Variants in SLC25A12 observed in about 807,000 individuals in gnomAD.
The protein encoded by SLC25A12 is electrogenic aspartate/glutamate antiporter SLC25A12, mitochondrial.
SLC25A12 carries 32 observed loss-of-function variants against 83.3 expected under a neutral mutation model. The observed-to-expected ratio is 0.38, with a 90% CI of 0.29 to 0.52. The LOEUF is 0.52. SLC25A12 is among the 20% of genes least tolerant of loss of function. The probability of loss-of-function intolerance (pLI) is 0.84; values close to 1 mark genes in which losing one functional copy is unlikely to be tolerated. For synonymous variants in SLC25A12, 267 were observed against 291.1 expected (o/e 0.92, Z 0.84); for missense variants, 611 against 835.6 (o/e 0.73, Z 3.31).
chr2:171,785,990 G>C (rs1037242788), intron 17 of SLC25A12, among the ~76,000 whole-genome samples: 1 of 151,950 alleles, frequency 6.6e-6, no homozygotes, highest in African/African-American at 2.4e-5. Flanking sequence ...ACATATGAAA[G>C]TAATTTTTAA....
At chr2:171,811,513 A>G (rs999787513) in intron 11 of SLC25A12, among the ~76,000 whole-genome samples, 4 of 152,188 alleles carry the variant, frequency 2.6e-5, no homozygotes, top group African/African-American at 7.2e-5. Context: ...TCATTTTATC[A>G]TTGTTGCCTG....
At position 171,813,357 on chromosome 2, in the gene SLC25A12, A is replaced by G; in HGVS notation, c.1153T>C (p.Phe385Leu). 6.2e-7 allele frequency: 1 copy of G among 1,614,082 alleles called. No homozygotes were observed. Among genetic ancestry groups the G allele is most frequent in the East Asian group, 2.2e-5 (1 of 44,886 alleles). Reference sequence around the variant, plus strand: ...TACTCACCCCTGTAGAGTCCAAAGAAGCCCTCATAACGCAAGACTTTCTTA... The same window carrying G: ...TACTCACCCCTGTAGAGTCCAAAGAGGCCCTCATAACGCAAGACTTTCTTA... ...CFKKVLRYEG[F>L]FGLYRGLIPQ... The change falls in exon 11 of 18, where the codon TTC becomes CTC. Residue 385 changes from phenylalanine to leucine, a missense_variant. By Grantham distance (22) the Phe-to-Leu change is conservative (BLOSUM62 0). Coordinates refer to ENST00000422440, the MANE Select transcript of SLC25A12 (RefSeq NM_003705.5).
At chr2:171,876,969 G>T (rs1356326192) in intron 2 of SLC25A12, among the ~76,000 whole-genome samples, 1 of 152,160 alleles carries the variant, frequency 6.6e-6, no homozygotes, top group Non-Finnish European at 1.5e-5. Context: ...CCATTTTCTT[G>T]ATTAAACTTT....
chr2:171,792,245 C>T (rs747066888), intron 14 of SLC25A12, among the ~76,000 whole-genome samples: 23 of 151,884 alleles, frequency 1.5e-4, no homozygotes, highest in Non-Finnish European at 3.1e-4. Context: ...GCAAACACTC[C>T]ACCTTGGCGC....
At chr2:171,877,802 GCATAA>G (rs1685605936) in intron 2 of SLC25A12, among the ~76,000 whole-genome samples, 4 of 151,900 alleles carry the variant, frequency 2.6e-5, no homozygotes, top group Admixed American at 2.6e-4. Context: ...ATTTGAATGA[GCATAA>G]AGCCCAAACA....
At chr2:171,892,417 G>C (rs1473553608) in intron 2 of SLC25A12, among the ~76,000 whole-genome samples, 1 of 151,934 alleles carries the variant, frequency 6.6e-6, no homozygotes, top group Non-Finnish European at 1.5e-5. Context: ...AGTAGAGACG[G>C]GGTTTCACCG....
intron 8 of SLC25A12, among the ~76,000 whole-genome samples, chr2:171,828,047 G>A (rs1439839658): frequency 2.0e-5 from 3 of 152,128 alleles, no homozygotes; most frequent in African/African-American, 4.8e-5. Flanking sequence ...CCACTCTCCC[G>A]GGAGACTGAA....
chr2:171,811,101 A>AT (rs749125662), intron 11 of SLC25A12, among the ~76,000 whole-genome samples: 17 of 152,174 alleles, frequency 1.1e-4, no homozygotes, highest in Non-Finnish European at 2.2e-4. Context: ...TTTTGCATAC[A>AT]TTTTTTAAAG....
intron 8 of SLC25A12, 117 bp downstream of exon 8, chr2:171,833,846 T>C: frequency 1.5e-6 from 1 of 683,368 alleles, no homozygotes; most frequent in Non-Finnish European, 2.7e-6. Flanking sequence ...ATTCTGAATA[T>C]AAACTATTCA....
rs3058854 is a variant in SLC25A12 at position 171,801,907 on chromosome 2, C to CTGTGTG, written c.1305+7693_1305+7698dup. On this transcript the variant is annotated intron_variant, in intron 13 of 17. Coordinates refer to ENST00000422440, the MANE Select transcript of SLC25A12 (RefSeq NM_003705.5). ...ATTGGAAGTCGAGGAATATCTGGAT[C>CTGTGTG]TGTGTGTGTGTGTGTGTGTGTGTGT... Among the ~76,000 whole-genome samples the CTGTGTG allele has an allele frequency of 6.9e-3, 1,006 of 145,490 alleles. 13 individuals are homozygous for CTGTGTG. The highest frequency in any genetic ancestry group is 0.023 in the African/African-American group (885 of 39,238).
chr2:171,875,202 A>T (rs1431246046), intron 2 of SLC25A12, among the ~76,000 whole-genome samples: 4 of 152,188 alleles, frequency 2.6e-5, no homozygotes, highest in African/African-American at 9.6e-5. Context: ...TACATGAGGT[A>T]AGCACCAAGT....
intron 2 of SLC25A12, among the ~76,000 whole-genome samples, chr2:171,882,835 T>A (rs536621716): frequency 3.3e-5 from 5 of 151,916 alleles, no homozygotes; most frequent in Non-Finnish European, 7.4e-5. Flanking sequence ...AAAAAAAAAA[T>A]ATGTATTTTT....
chr2:171,886,540 C>T (rs1685824119), intron 2 of SLC25A12, among the ~76,000 whole-genome samples: 3 of 146,558 alleles, frequency 2.0e-5, no homozygotes, highest in Middle Eastern at 3.9e-3. Context: ...GACAGAGTTT[C>T]GCTCTGTCGC....
intron 9 of SLC25A12, among the ~76,000 whole-genome samples, chr2:171,820,539 T>C (rs1684164906): frequency 7.0e-6 from 1 of 142,400 alleles, no homozygotes; most frequent in Non-Finnish European, 1.6e-5. Flanking sequence ...CCATGCCGGC[T>C]AAAACGGTGA....
intron 3 of SLC25A12, among the ~76,000 whole-genome samples, chr2:171,865,367 C>T (rs1685264030): frequency 6.6e-6 from 1 of 151,942 alleles, no homozygotes; most frequent in South Asian, 2.1e-4. Flanking sequence ...CTAGTATATA[C>T]CAATTTTTAA....
intron 11 of SLC25A12, among the ~76,000 whole-genome samples, chr2:171,811,241 A>G (rs1202310689): frequency 6.6e-6 from 1 of 152,176 alleles, no homozygotes; most frequent in Non-Finnish European, 1.5e-5. Context: ...ATAAGTTGAG[A>G]GCCACAAGTA....
At chr2:171,886,329 G>C (rs1204889077) in intron 2 of SLC25A12, among the ~76,000 whole-genome samples, 1 of 147,788 alleles carries the variant, frequency 6.8e-6, no homozygotes. Flanking sequence ...CCTAGGCTTA[G>C]GTGATCCTCC....
chr2:171,847,444 C>A (rs1684823197), intron 4 of SLC25A12, among the ~76,000 whole-genome samples: 1 of 152,114 alleles, frequency 6.6e-6, no homozygotes, highest in Admixed American at 6.5e-5. Flanking sequence ...TTTTATGTTA[C>A]CCAGCTTTAT....
chr2:171,842,832 T>G (rs1377922528), intron 5 of SLC25A12, among the ~76,000 whole-genome samples: 1 of 152,144 alleles, frequency 6.6e-6, no homozygotes, highest in Non-Finnish European at 1.5e-5. Flanking sequence ...TATTTATTTT[T>G]AATTTTTTAG....
Sources: allele counts gnomAD v4.1 joint callset (sites outside exome capture counted in the v4.1 genomes callset), GRCh38; gene constraint gnomAD v4.1.1; transcripts MANE v1.5; gene names NCBI Gene and HGNC (gene_info 2026-07-23, HGNC 2026-07-21).